CERS3: variants seen among roughly 807,000 people sequenced by gnomAD.
The protein encoded by CERS3 is LAG1 homolog, ceramide synthase 3.
A neutral mutation model predicts 50.3 loss-of-function variants in CERS3; 33 were observed. That is an observed-to-expected ratio of 0.66 (90% confidence interval 0.50 to 0.88). CERS3 has a LOEUF of 0.88. Among genes scored for constraint, CERS3 ranks in the 40% least tolerant of loss-of-function variants. The probability of loss-of-function intolerance (pLI) is 0.00; values close to 1 mark genes in which losing one functional copy is unlikely to be tolerated. For missense variants in CERS3, 470 were observed against 460.3 expected (o/e 1.02, Z -0.19); for synonymous variants, 176 against 155.2 (o/e 1.13, Z -0.99).
intron 4 of CERS3, among the ~76,000 whole-genome samples, chr15:100,487,169 A>G (rs1346299001): frequency 2.0e-5 from 3 of 152,250 alleles, no homozygotes; most frequent in Non-Finnish European, 2.9e-5. Flanking sequence ...AAATAGTGCA[A>G]GATGTCATGG....
intron 11 of CERS3, among the ~76,000 whole-genome samples, chr15:100,425,357 A>C (rs1169219291): frequency 1.3e-5 from 2 of 152,242 alleles, no homozygotes; most frequent in African/African-American, 4.8e-5. Context: ...CTGGTGATGT[A>C]CACTGCAGAG....
At chr15:100,429,178 T>C (rs1362030686) in intron 11 of CERS3, among the ~76,000 whole-genome samples, 1 of 152,170 alleles carries the variant, frequency 6.6e-6, no homozygotes, top group Non-Finnish European at 1.5e-5. Context: ...AGTGTATCAG[T>C]GAGAAAACAG....
intron 10 of CERS3, among the ~76,000 whole-genome samples, chr15:100,456,251 G>A (rs934415194): frequency 3.3e-4 from 50 of 152,162 alleles, no homozygotes; most frequent in African/African-American, 1.2e-3. Context: ...CTGTCTTCCT[G>A]AAGAAAAGTT....
At chr15:100,478,820 A>G (rs1234694532) in intron 7 of CERS3, among the ~76,000 whole-genome samples, 1 of 152,236 alleles carries the variant, frequency 6.6e-6, no homozygotes, top group Non-Finnish European at 1.5e-5. Context: ...CAGGAGGATA[A>G]TAATCCCAGA....
At chr15:100,475,892 T>C (rs2035112977) in intron 8 of CERS3, 194 bp downstream of exon 8, 2 of 313,864 alleles carry the variant, frequency 6.4e-6, no homozygotes, top group Admixed American at 5.2e-5. Flanking sequence ...TTTTATAATG[T>C]TTCACTACAA....
chr15:100,498,829 C>A (rs1299612251), intron 3 of CERS3, among the ~76,000 whole-genome samples: 3 of 152,226 alleles, frequency 2.0e-5, no homozygotes, highest in Non-Finnish European at 2.9e-5. Flanking sequence ...GATTGATTCC[C>A]AGTTCCTAAG....
intron 10 of CERS3, among the ~76,000 whole-genome samples, chr15:100,467,496 G>A (rs1274377689): frequency 6.6e-6 from 1 of 151,862 alleles, no homozygotes; most frequent in Non-Finnish European, 1.5e-5. Context: ...AAGATCATAG[G>A]TGGCCCTCAA....
At chr15:100,492,186 A>T (rs1036583965) in intron 3 of CERS3, among the ~76,000 whole-genome samples, 1 of 152,196 alleles carries the variant, frequency 6.6e-6, no homozygotes, top group African/African-American at 2.4e-5. Flanking sequence ...GTTGTTGAGT[A>T]GAGTGTTCTA....
chr15:100,500,837 C>G (rs1193043227), intron 3 of CERS3, among the ~76,000 whole-genome samples: 1 of 152,126 alleles, frequency 6.6e-6, no homozygotes, highest in Admixed American at 6.6e-5. Context: ...GATAAGGACC[C>G]TGCAAATGTT....
At chr15:100,469,147 C>T (rs764065746) in intron 10 of CERS3, among the ~76,000 whole-genome samples, 2 of 152,224 alleles carry the variant, frequency 1.3e-5, no homozygotes, top group South Asian at 4.1e-4. Flanking sequence ...CTGCTGCTTG[C>T]CCGTCAGGTC....
intron 11 of CERS3, among the ~76,000 whole-genome samples, chr15:100,435,665 C>G (rs529995598): frequency 6.6e-6 from 1 of 152,308 alleles, no homozygotes; most frequent in South Asian, 2.1e-4. Flanking sequence ...GCAAAAGAAA[C>G]TAGCATCAGA....
At chr15:100,498,139 C>G (rs1355306731) in intron 3 of CERS3, among the ~76,000 whole-genome samples, 1 of 152,104 alleles carries the variant, frequency 6.6e-6, no homozygotes, top group African/African-American at 2.4e-5. Flanking sequence ...CGTGATCTGC[C>G]TGCCTCAGCC....
At chr15:100,467,164 A>G (rs2034773895) in intron 10 of CERS3, among the ~76,000 whole-genome samples, 1 of 151,928 alleles carries the variant, frequency 6.6e-6, no homozygotes, top group African/African-American at 2.4e-5. Context: ...CTGATTTTCT[A>G]TATATGACTT....
chr15:100,442,147 T>C (rs550857610), intron 11 of CERS3, among the ~76,000 whole-genome samples: 5 of 152,054 alleles, frequency 3.3e-5, no homozygotes, highest in Non-Finnish European at 7.4e-5. Context: ...TTTTCTTTAT[T>C]CCAAATCAGA....
Position 100,456,018 on chromosome 15 carries a change from T to C in CERS3, c.874A>G (p.Met292Val), listed in dbSNP as rs748548226. 3 of 1,612,232 alleles carry C rather than the reference T, an allele frequency of 1.9e-6. No individual in the cohort carries two copies. The highest frequency in any genetic ancestry group is 1.7e-5 in the Admixed American group (1 of 59,712). The change falls in exon 11 of 12, where the codon ATG becomes GTG. Residue 292 changes from methionine (M) to valine (V), a missense_variant. Coordinates refer to ENST00000679737, the MANE Select transcript of CERS3 (RefSeq NM_001378789.1). ...WILYCTLILPMYHLEPFFSYI... is the reference protein window; with the variant it reads ...WILYCTLILPVYHLEPFFSYI... Reference sequence around the variant, plus strand: ...GAAAAGAAAGGCTCGAGGTGATACATAGGCAAGATCAGCGTGCAATATAAA... The same window carrying C: ...GAAAAGAAAGGCTCGAGGTGATACACAGGCAAGATCAGCGTGCAATATAAA...
chr15:100,407,119 G>A (rs1324303502), intron 11 of CERS3, among the ~76,000 whole-genome samples: 2 of 152,108 alleles, frequency 1.3e-5, no homozygotes, highest in Admixed American at 1.3e-4. Flanking sequence ...ATGAGTTTTG[G>A]GTGGGGACAC....
chr15:100,426,859 T>G (rs775844746), intron 11 of CERS3, among the ~76,000 whole-genome samples: 2 of 152,206 alleles, frequency 1.3e-5, no homozygotes, highest in Admixed American at 6.5e-5. Context: ...ACCCACTCAG[T>G]TGCTGAAAAC....
At chr15:100,467,834 CGTGT>C (rs1567639955) in intron 10 of CERS3, among the ~76,000 whole-genome samples, 1 of 19,992 alleles carries the variant, frequency 5.0e-5, no homozygotes, top group East Asian at 1.4e-3. Context: ...TATATATATA[CGTGT>C]ATATATATAT....
chr15:100,485,133 G>C (rs1408136051), intron 4 of CERS3, among the ~76,000 whole-genome samples: 1 of 152,174 alleles, frequency 6.6e-6, no homozygotes, highest in Non-Finnish European at 1.5e-5. Context: ...ACTTAGGCTA[G>C]TGCATTTTGT....
Sources: gnomAD v4.1 joint callset for allele counts (sites outside exome capture counted in the v4.1 genomes callset) on GRCh38, gnomAD v4.1.1 for gene constraint, MANE v1.5 for transcripts, NCBI Gene and HGNC (gene_info 2026-07-23, HGNC 2026-07-21) for gene names.